Variants in SWAP70 observed in about 807,000 individuals in gnomAD.
SWAP70 encodes switch-associated protein 70.
In SWAP70, 34 loss-of-function variants were observed where a neutral mutation model predicts 80.2. The ratio of observed to expected loss-of-function variants is 0.42; its 90% CI spans 0.32 to 0.56. The LOEUF (loss-of-function observed/expected upper bound fraction) is 0.56, where lower values mean the gene tolerates loss of function less well. SWAP70 is among the 20% of genes least tolerant of loss of function. SWAP70 has a pLI of 0.09. For missense variants in SWAP70, 578 were observed against 690.7 expected, an observed-to-expected ratio of 0.84 and a Z score of 1.83; for synonymous variants, 239 against 238.5, an observed-to-expected ratio of 1.00 and a Z score of -0.02.
chr11:9,690,840 T>C (rs1850689476), intron 1 of SWAP70, among the ~76,000 whole-genome samples: 1 of 152,144 alleles, frequency 6.6e-6, no homozygotes, highest in Non-Finnish European at 1.5e-5. Context: ...TTTTTCCTCT[T>C]TTAGAAATAC....
intron 4 of SWAP70, among the ~76,000 whole-genome samples, chr11:9,725,551 ATATATATATATATATATATTTTTTT>A (rs1363657951): frequency 1.8e-5 from 1 of 55,228 alleles, no homozygotes; most frequent in African/African-American, 8.1e-5. Flanking sequence ...ATATATATAT[ATATATATATATATATATATTTTTTT>A]TTTTTTTTTT....
chr11:9,669,138 T>C (rs1356596756), intron 1 of SWAP70, among the ~76,000 whole-genome samples: 1 of 152,254 alleles, frequency 6.6e-6, no homozygotes, highest in Non-Finnish European at 1.5e-5. Flanking sequence ...CGATTTCTTC[T>C]CACTGGTGTG....
At chr11:9,694,817 G>A (rs1455679030) in intron 2 of SWAP70, among the ~76,000 whole-genome samples, 19 of 152,310 alleles carry the variant, frequency 1.2e-4, no homozygotes, top group African/African-American at 4.3e-4. Context: ...AATAGATGCT[G>A]GCGAGGCTGT....
chr11:9,740,525 T>G, intron 9 of SWAP70, 178 bp downstream of exon 9: 1 of 681,084 alleles, frequency 1.5e-6, no homozygotes, highest in South Asian at 1.7e-5. Flanking sequence ...GAGTGTTTCT[T>G]TTCATTCTGA....
chr11:9,695,713 C>T lies in SWAP70; in HGVS notation c.240+1427C>T, dbSNP rs541209296. On this transcript the variant is annotated intron_variant, in intron 2 of 11. Transcript: ENST00000318950. ...CGTACACTTATGTAACAAACCTGCA[C>T]GTGCTGCACAGGTATCCGTTTTTTT... is the stretch of plus-strand genomic sequence containing the variant. Among the ~76,000 whole-genome samples, 12 of 151,988 alleles carry T rather than the reference C, an allele frequency of 7.9e-5. No individual in the cohort carries two copies. In the South Asian group the frequency reaches 2.3e-3, roughly 29 times the overall value.
At chr11:9,708,560 C>T (rs561137161) in intron 2 of SWAP70, among the ~76,000 whole-genome samples, 1 of 152,196 alleles carries the variant, frequency 6.6e-6, no homozygotes, top group Non-Finnish European at 1.5e-5. Context: ...GAACTGTTTT[C>T]CTACAGGCTA....
chr11:9,708,979 C>T (rs532130184), intron 2 of SWAP70, among the ~76,000 whole-genome samples: 1 of 151,976 alleles, frequency 6.6e-6, no homozygotes, highest in South Asian at 2.1e-4. Flanking sequence ...GATCACAGCT[C>T]ACTACAGCCG....
chr11:9,731,578 T>A (rs1214378488), intron 6 of SWAP70, among the ~76,000 whole-genome samples: 4 of 151,604 alleles, frequency 2.6e-5, no homozygotes, highest in Non-Finnish European at 4.4e-5. Context: ...ATGCAGTACT[T>A]CATGTATAGT....
chr11:9,725,569 A>ATATT (rs1554892086), intron 4 of SWAP70, among the ~76,000 whole-genome samples: 2 of 26,612 alleles, frequency 7.5e-5, no homozygotes, highest in African/African-American at 1.6e-4. Context: ...ATATATATAT[A>ATATT]TTTTTTTTTT....
At position 9,730,806 on chromosome 11, in the gene SWAP70, G is replaced by A. The variant is rs867708943; in HGVS notation, c.898+1355G>A. Among the ~76,000 whole-genome samples, 6 of 152,056 alleles carry A rather than the reference G, an allele frequency of 3.9e-5. No individual in the cohort carries two copies. The South Asian group carries it at 1.2e-3, about 32-fold the overall frequency. ...TTCAACTTTTATTTTAGATTCAGGGGTACATGTGCAGGTCTGTTACATGGG... is the reference window on the plus strand; with the variant it reads ...TTCAACTTTTATTTTAGATTCAGGGATACATGTGCAGGTCTGTTACATGGG... On this transcript the variant is annotated intron_variant, in intron 6 of 11. Transcript: ENST00000318950.
At chr11:9,721,120 A>G (rs1332680634) in intron 3 of SWAP70, among the ~76,000 whole-genome samples, 2 of 152,062 alleles carry the variant, frequency 1.3e-5, no homozygotes, top group Admixed American at 1.3e-4. Flanking sequence ...CTGGCGTTCA[A>G]TCTCTTAATC....
At position 9,713,458 on chromosome 11, in the gene SWAP70, C is replaced by T. The variant is rs376500588; in HGVS notation, c.241-8C>T. 7.6e-5 allele frequency: 122 copies of T among 1,603,112 alleles called. No individual in the cohort carries two copies. In the African/African-American group the frequency reaches 1.4e-3, roughly 18 times the overall value. On this transcript the variant is annotated splice_polypyrimidine_tract_variant and splice_region_variant and intron_variant, in intron 2 of 11. Transcript: ENST00000318950. ...GATTTGTTGGAGTTTTTCCTTATTC[C>T]TTTTTAGGTCCAAGACAACTTTGAC...
At chr11:9,683,368 A>G (rs781556438) in intron 1 of SWAP70, among the ~76,000 whole-genome samples, 15 of 152,066 alleles carry the variant, frequency 9.9e-5, no homozygotes, top group Non-Finnish European at 1.9e-4. Context: ...GTGAGCCCAG[A>G]TCGAGCTACT....
chr11:9,747,794 C>A, intron 9 of SWAP70, 64 bp from the exon 10 acceptor site: 1 of 1,492,480 alleles, frequency 6.7e-7, no homozygotes, highest in Non-Finnish European at 9.3e-7. Flanking sequence ...ATGCTTCCCT[C>A]GTCTGCTGGG....
intron 2 of SWAP70, 30 bp downstream of exon 2, chr11:9,694,316 C>G (rs374021675): frequency 5.7e-6 from 9 of 1,575,830 alleles, no homozygotes; most frequent in African/African-American, 1.4e-5. Context: ...TTGGGTGTAG[C>G]ATTGTTTGGT....
intron 1 of SWAP70, among the ~76,000 whole-genome samples, chr11:9,677,032 C>T (rs1440158302): frequency 6.6e-6 from 1 of 151,588 alleles, no homozygotes; most frequent in Non-Finnish European, 1.5e-5. Context: ...ATACGGAGGG[C>T]CAACTGTATT....
At chr11:9,666,373 A>G (rs1052068683) in intron 1 of SWAP70, among the ~76,000 whole-genome samples, 1 of 152,068 alleles carries the variant, frequency 6.6e-6, no homozygotes, top group African/African-American at 2.4e-5. Flanking sequence ...AGTGTGACCC[A>G]CTGTGCCTGG....
intron 1 of SWAP70, 121 bp downstream of exon 1, chr11:9,664,399 G>C: frequency 9.1e-7 from 1 of 1,094,396 alleles, no homozygotes. Flanking sequence ...GAATGCGCCC[G>C]GTAGGCCCGC....
At chr11:9,671,803 TA>T (rs1850412065) in intron 1 of SWAP70, among the ~76,000 whole-genome samples, 2 of 75,638 alleles carry the variant, frequency 2.6e-5, no homozygotes, top group Non-Finnish European at 4.7e-5. Context: ...TAAATATATA[TA>T]AATATAAATA....
Sources: gnomAD v4.1 joint callset for allele counts (sites outside exome capture counted in the v4.1 genomes callset) on GRCh38, gnomAD v4.1.1 for gene constraint, MANE v1.5 for transcripts, NCBI Gene and HGNC (gene_info 2026-07-23, HGNC 2026-07-21) for gene names.